The following PLEKHG4B variants were observed in gnomAD, a reference collection of about 807,000 sequenced individuals.
PLEKHG4B encodes pleckstrin homology and RhoGEF domain containing G4B.
In PLEKHG4B, 111 loss-of-function variants were observed where a neutral mutation model predicts 121.3. The observed-to-expected ratio is 0.92, with a 90% CI of 0.78 to 1.07. The LOEUF is 1.07. Among genes scored for constraint, PLEKHG4B ranks in the 50% least tolerant of loss-of-function variants. The pLI, the probability that PLEKHG4B is intolerant of heterozygous loss-of-function variation, is 0.00. For synonymous variants in PLEKHG4B, 738 were observed against 725.0 expected (o/e 1.02, Z -0.29); for missense variants, 1,831 against 1,757.8 (o/e 1.04, Z -0.74).
rs541772229 is a variant in PLEKHG4B at position 148,796 on chromosome 5, G to A, written c.1906-2717G>A. On this transcript the variant is annotated intron_variant, in intron 6 of 19. Transcript: ENST00000637938. ...ATTGTAAAAAATAAAAACAAAGCTG[G>A]AGGACTCACAGTTCCTGATTTCAAA... is the stretch of plus-strand genomic sequence containing the variant. 2.2e-3 allele frequency among the ~76,000 whole-genome samples: 340 copies of A among 152,248 alleles called. 1 individual carries two copies. The highest frequency in any genetic ancestry group is 7.7e-3 in the African/African-American group (321 of 41,546).
At chr5:127,221 G>C (rs1734644123) in intron 2 of PLEKHG4B, among the ~76,000 whole-genome samples, 1 of 152,014 alleles carries the variant, frequency 6.6e-6, no homozygotes, top group Non-Finnish European at 1.5e-5. Flanking sequence ...TGTTAGAAAA[G>C]AAAATGATTT....
At chr5:103,281 T>C (rs1733877368) in intron 1 of PLEKHG4B, among the ~76,000 whole-genome samples, 1 of 152,194 alleles carries the variant, frequency 6.6e-6, no homozygotes, top group Admixed American at 6.5e-5. Flanking sequence ...TTTATTCTCA[T>C]TTTTCCTTTC....
intron 2 of PLEKHG4B, among the ~76,000 whole-genome samples, chr5:121,918 C>T (rs1033248538): frequency 1.8e-4 from 27 of 151,668 alleles, no homozygotes; most frequent in Non-Finnish European, 5.9e-5. Flanking sequence ...AGGCTAAATA[C>T]GTGAGTAAAT....
Position 184,500 on chromosome 5 carries a change from A to G in PLEKHG4B, c.*2177A>G, listed in dbSNP as rs1448918654. Reference sequence around the variant, plus strand: ...ATCTTTCCGAAGCGATGGTGACATAAAGACATTTTCATACACACAGAAACT... The same window carrying G: ...ATCTTTCCGAAGCGATGGTGACATAGAGACATTTTCATACACACAGAAACT... On this transcript the variant is annotated 3_prime_UTR_variant, in exon 20 of 20. Coordinates refer to ENST00000637938, the MANE Select transcript of PLEKHG4B (RefSeq NM_052909.5). 2 of 152,222 alleles carry G rather than the reference A, an allele frequency of 1.3e-5. No individual in the cohort carries two copies. Among genetic ancestry groups the G allele is most frequent in the African/African-American group, 2.4e-5 (1 of 41,448 alleles). 9.4% of individuals were successfully genotyped at this position (152,222 alleles called of 1,614,324 possible).
Position 156,290 on chromosome 5 carries a change from G to C in PLEKHG4B, c.2348+80G>C. 1.5e-6 allele frequency: 2 copies of C among 1,298,562 alleles called. No individual in the cohort carries two copies. The highest frequency in any genetic ancestry group is 2.0e-6 in the Non-Finnish European group (2 of 1,009,890). The allele number at this position is 1,298,562 out of a possible 1,614,324, so 80.4% of individuals were successfully genotyped here. On this transcript the variant is annotated intron_variant, in intron 10 of 19. Transcript: ENST00000637938. The surrounding 1 kb of genome is among the most constrained non-coding windows in gnomAD (Gnocchi z 4.4). ...GGGAGTTTGCACCAGGAGGCGTAGC[G>C]CTCTGCTCCAAGGAGAGCCCCCTCT... is the stretch of plus-strand genomic sequence containing the variant.
At chr5:164,664 A>ACC (rs1166691734) in intron 13 of PLEKHG4B, among the ~76,000 whole-genome samples, 1 of 117,348 alleles carries the variant, frequency 8.5e-6, no homozygotes, top group Non-Finnish European at 1.8e-5. Context: ...GGCGGAGCTC[A>ACC]CACTAATACT....
chr5:141,711 ATT>A (rs34273619), intron 3 of PLEKHG4B, among the ~76,000 whole-genome samples: 101 of 127,500 alleles, frequency 7.9e-4, no homozygotes, highest in African/African-American at 1.8e-3. Flanking sequence ...TAAATATTTC[ATT>A]TTTTTTTTTT....
Position 181,672 on chromosome 5 carries a change from A to G in PLEKHG4B, c.4561A>G (p.Thr1521Ala). ...AGTCCCCGACAGCATCGTCAAGGGCACAGGTACGGTGGCTCGGTCCCGCCC... is the reference window on the plus strand; with the variant it reads ...AGTCCCCGACAGCATCGTCAAGGGCGCAGGTACGGTGGCTCGGTCCCGCCC... Reference protein sequence around the residue: ...DRVPDSIVKGTESQMRGSTAV... With the variant: ...DRVPDSIVKGAESQMRGSTAV... The change falls in exon 19 of 20, where the codon ACA becomes GCA. Residue 1521 changes from threonine (T) to alanine (A), a missense_variant. Coordinates refer to ENST00000637938, the MANE Select transcript of PLEKHG4B (RefSeq NM_052909.5). The G allele has an allele frequency of 6.2e-7, 1 of 1,612,762 alleles. No individual in the cohort carries two copies. Among genetic ancestry groups the G allele is most frequent in the Non-Finnish European group, 8.5e-7 (1 of 1,179,522 alleles).
rs767633461 is a variant in PLEKHG4B, at chr5:140,522, C to G, written c.1283C>G (p.Ala428Gly). 2 of 1,598,008 alleles carry G rather than the reference C, an allele frequency of 1.3e-6. No individual in the cohort carries two copies. Among genetic ancestry groups the G allele is most frequent in the African/African-American group, 2.7e-5 (2 of 74,506 alleles). The part of the protein sequence containing the change: ...RHTPSRTGPG[A>G]AGRTLPRRSR... ...ACACCCAGCCGGACAGGTCCAGGAG[C>G]TGCAGGGCGGACTCTTCCCAGGAGA... The change falls in exon 3 of 20, where the codon GCT (alanine) becomes GGT (glycine). Residue 428 changes from alanine (A) to glycine (G), a missense_variant. Ala to Gly is a moderately conservative substitution (Grantham distance 60, BLOSUM62 0). Coordinates refer to ENST00000637938, the MANE Select transcript of PLEKHG4B (RefSeq NM_052909.5).
At chr5:128,411 C>T (rs1213173288) in intron 2 of PLEKHG4B, among the ~76,000 whole-genome samples, 1 of 152,170 alleles carries the variant, frequency 6.6e-6, no homozygotes, top group Non-Finnish European at 1.5e-5. Flanking sequence ...ATGAACTCCC[C>T]AGACCCCTCA....
At chr5:178,576 G>A (rs1035354494) in intron 18 of PLEKHG4B, among the ~76,000 whole-genome samples, 6 of 152,060 alleles carry the variant, frequency 3.9e-5, no homozygotes, top group Non-Finnish European at 7.3e-5. Context: ...CCATGATGAT[G>A]TAAATTTGAA....
intron 6 of PLEKHG4B, among the ~76,000 whole-genome samples, chr5:146,326 ATCCTC>A (rs1735412813): frequency 2.3e-5 from 1 of 43,794 alleles, no homozygotes; most frequent in South Asian, 8.8e-4. Context: ...ATAGTCCTCC[ATCCTC>A]TCCTCCTCCA....
rs370645347 is a variant in PLEKHG4B at position 101,551 on chromosome 5, T to C, written c.45+9275T>C. On this transcript the variant is annotated intron_variant, in intron 1 of 19. Transcript: ENST00000637938. ...GTTGTGAGGTTAATCCATATAAAGC[T>C]CTGGAAAAAGTCTGTAGGGGAGAGA... is the stretch of plus-strand genomic sequence containing the variant. Among the ~76,000 whole-genome samples the C allele has an allele frequency of 7.3e-3, 578 of 79,318 alleles. 1 individual carries two copies. The highest frequency in any genetic ancestry group is 0.033 in the Middle Eastern group (3 of 90). The allele number at this position is 79,318 out of a possible 152,430, so 52.0% of individuals were successfully genotyped here. A position where few individuals can be genotyped will look rare whatever the true frequency, so the allele number is the denominator to read the frequency against.
At chr5:178,375 C>T (rs536414344) in intron 18 of PLEKHG4B, among the ~76,000 whole-genome samples, 3 of 152,254 alleles carry the variant, frequency 2.0e-5, no homozygotes, top group East Asian at 1.9e-4. Flanking sequence ...GTAACAGCTT[C>T]GATTATTTGA....
Position 102,368 on chromosome 5 carries a change from C to T in PLEKHG4B, c.45+10092C>T, listed in dbSNP as rs146479155. Among the ~76,000 whole-genome samples the T allele has an allele frequency of 2.2e-3, 328 of 152,020 alleles. 2 individuals carry two copies. The highest frequency in any genetic ancestry group is 7.4e-3 in the African/African-American group (306 of 41,432). On this transcript the variant is annotated intron_variant, in intron 1 of 19. Transcript: ENST00000637938. The stretch of plus-strand genomic sequence containing the variant: ...GTAAATGGAAGTACTGCTACCAAAA[C>T]CAGAATGCTATAAATAGAATGATGT...
chr5:177,358 A>G (rs181251921), intron 18 of PLEKHG4B, among the ~76,000 whole-genome samples: 1 of 152,324 alleles, frequency 6.6e-6, no homozygotes, highest in Non-Finnish European at 1.5e-5. Flanking sequence ...TCTAACTTCC[A>G]CTTTAATTTA....
intron 12 of PLEKHG4B, among the ~76,000 whole-genome samples, chr5:162,181 CTG>C (rs997086680): frequency 1.2e-4 from 18 of 152,238 alleles, no homozygotes; most frequent in Admixed American, 9.2e-4. Context: ...ACACATTTCT[CTG>C]TGTGTTTACT....
intron 12 of PLEKHG4B, 62 bp from the exon 13 acceptor site, chr5:162,660 T>C: frequency 8.1e-7 from 1 of 1,233,396 alleles, no homozygotes; most frequent in Non-Finnish European, 1.1e-6. Context: ...CAGCAGGGCC[T>C]GAGCTGGCTC....
rs1249070986 is a variant in PLEKHG4B, at chr5:162,941, G to A, written c.2869G>A (p.Ala957Thr). The A allele has an allele frequency of 4.5e-6, 7 of 1,556,238 alleles. No homozygotes were observed. Among genetic ancestry groups the A allele is most frequent in the South Asian group, 3.6e-5 (3 of 83,092 alleles). The change falls in exon 13 of 20, where the codon GCC becomes ACC. Residue 957 changes from alanine (A) to threonine (T), a missense_variant. By Grantham distance (58) the Ala-to-Thr change is moderately conservative. Coordinates refer to ENST00000637938, the MANE Select transcript of PLEKHG4B (RefSeq NM_052909.5). ...YPQTRLRLEE[A>T]LSEAAPDPSL... is the part of the protein sequence containing the mutation. ...CCAGACCCGGCTCCGTCTGGAAGAG[G>A]CCCTTTCTGAGGCTGCCCCAGACCC...
Sources: gnomAD v4.1 joint callset for allele counts (sites outside exome capture counted in the v4.1 genomes callset) on GRCh38, gnomAD v4.1.1 for gene constraint, Gnocchi (gnomAD v3.1) non-coding constraint, MANE v1.5 for transcripts, NCBI Gene and HGNC (gene_info 2026-07-23, HGNC 2026-07-21) for gene names.